KCNJ15: variants seen among roughly 807,000 people sequenced by gnomAD.
KCNJ15 encodes potassium inwardly rectifying channel subfamily J member 15.
A neutral mutation model predicts 23.0 loss-of-function variants in KCNJ15; 14 were observed. That is an observed-to-expected ratio of 0.61 (90% CI 0.40 to 0.95). The LOEUF is 0.95. Ranked by LOEUF, KCNJ15 falls within the 40% of genes least tolerant of loss-of-function variation. The pLI is 0.00. For missense variants in KCNJ15, 388 were observed against 461.8 expected, an observed-to-expected ratio of 0.84 and a Z score of 1.46; for synonymous variants, 185 against 183.2, an observed-to-expected ratio of 1.01 and a Z score of -0.08.
rs1700784847 is a variant in KCNJ15, at chr21:38,299,207, T to C, written c.-18-37T>C. Reference sequence around the variant, plus strand: ...TCTATTTTCTGGAAGTTCCACCACATATGGCGATAATGAAACATCTTTGTC... The same window carrying C: ...TCTATTTTCTGGAAGTTCCACCACACATGGCGATAATGAAACATCTTTGTC... On this transcript the variant is annotated intron_variant, in intron 2 of 2. Coordinates refer to ENST00000398938, the MANE Select transcript of KCNJ15 (RefSeq NM_170736.3). The surrounding 1 kb of genome is among the most constrained non-coding windows in gnomAD (Gnocchi z 4.5). The C allele has an allele frequency of 6.8e-7, 1 of 1,469,354 alleles. No homozygotes were observed. Among genetic ancestry groups the C allele is most frequent in the Admixed American group, 1.9e-5 (1 of 52,784 alleles). The allele number at this position is 1,469,354 out of a possible 1,614,324, so 91.0% of individuals were successfully genotyped here.
upstream of KCNJ15, among the ~76,000 whole-genome samples, chr21:38,255,668 G>A (rs944357781): frequency 6.6e-6 from 1 of 152,164 alleles, no homozygotes; most frequent in African/African-American, 2.4e-5. Flanking sequence ...GCAGGGAGAG[G>A]GGGGAGAAAA....
intron 1 of KCNJ15, among the ~76,000 whole-genome samples, chr21:38,276,358 G>C (rs1286796531): frequency 2.0e-5 from 3 of 152,014 alleles, no homozygotes; most frequent in African/African-American, 7.2e-5. Flanking sequence ...TTCCATTCTT[G>C]GGGTAGGGCT....
chr21:38,266,589 G>T (rs1446910339), intron 1 of KCNJ15, among the ~76,000 whole-genome samples: 3 of 152,176 alleles, frequency 2.0e-5, no homozygotes, highest in Non-Finnish European at 2.9e-5. Context: ...CCAAGTCGTT[G>T]CTATTGTGAA....
chr21:38,236,508 T>C (rs1381578394), intron 1 of KCNJ15, among the ~76,000 whole-genome samples: 1 of 152,198 alleles, frequency 6.6e-6, no homozygotes, highest in African/African-American at 2.4e-5. Flanking sequence ...TTCCTGACAC[T>C]TTCATTTTCT....
intron 1 of KCNJ15, among the ~76,000 whole-genome samples, chr21:38,291,078 CTG>C (rs1403882260): frequency 2.0e-5 from 3 of 151,842 alleles, no homozygotes; most frequent in African/African-American, 7.3e-5. Flanking sequence ...GTCTCAGAAA[CTG>C]TAATAAACAA....
At chr21:38,265,668 AGTGACATCAAG>A (rs1981382964) in intron 1 of KCNJ15, among the ~76,000 whole-genome samples, 1 of 152,238 alleles carries the variant, frequency 6.6e-6, no homozygotes, top group Non-Finnish European at 1.5e-5. Flanking sequence ...AGAAGATATA[AGTGACATCAAG>A]GACTCAAGGA....
chr21:38,285,251 T>C (rs1983768439), intron 1 of KCNJ15, among the ~76,000 whole-genome samples: 1 of 152,256 alleles, frequency 6.6e-6, no homozygotes, highest in African/African-American at 2.4e-5. Context: ...TCGTATTTTA[T>C]GTTTTATTTG....
intron 1 of KCNJ15, among the ~76,000 whole-genome samples, chr21:38,234,928 ACAGAC>A (rs1258978932): frequency 6.6e-6 from 1 of 152,240 alleles, no homozygotes; most frequent in Non-Finnish European, 1.5e-5. Flanking sequence ...CCATTCAGGT[ACAGAC>A]AATACCTGTC....
chr21:38,300,588 C>T lies in KCNJ15; in HGVS notation c.*199C>T, dbSNP rs918140124. On this transcript the variant is annotated 3_prime_UTR_variant, in exon 3 of 3. Coordinates refer to ENST00000398938, the MANE Select transcript of KCNJ15 (RefSeq NM_170736.3). ...TTGAGAGATTTCCTGTTAGGTGCTT[C>T]GTCTGAAAGTGAACTCTCATAATTC... 1.5e-5 allele frequency: 8 copies of T among 544,556 alleles called. No homozygotes were observed. Among genetic ancestry groups the T allele is most frequent in the African/African-American group, 9.6e-5 (5 of 52,134 alleles). The allele number at this position is 544,556 out of a possible 1,614,324, so 33.7% of individuals were successfully genotyped here. A position where few individuals can be genotyped will look rare whatever the true frequency, so the allele number is the denominator to read the frequency against.
intron 1 of KCNJ15, among the ~76,000 whole-genome samples, chr21:38,274,279 C>T (rs1445689958): frequency 6.6e-6 from 1 of 152,230 alleles, no homozygotes; most frequent in Non-Finnish European, 1.5e-5. Context: ...ACATGTGACT[C>T]AAAAGCTAGC....
At chr21:38,274,497 A>C (rs956654918) in intron 1 of KCNJ15, among the ~76,000 whole-genome samples, 2 of 152,202 alleles carry the variant, frequency 1.3e-5, no homozygotes, top group South Asian at 4.1e-4. Flanking sequence ...CTAGAATATA[A>C]GCCTCATGAG....
At chr21:38,297,611 C>A (rs758774852) in intron 2 of KCNJ15, among the ~76,000 whole-genome samples, 3 of 152,214 alleles carry the variant, frequency 2.0e-5, no homozygotes, top group Non-Finnish European at 4.4e-5. Context: ...CATTTCCAAA[C>A]CTTTATTGTG....
At chr21:38,292,760 G>A (rs954775989) in intron 1 of KCNJ15, among the ~76,000 whole-genome samples, 2 of 152,126 alleles carry the variant, frequency 1.3e-5, no homozygotes, top group African/African-American at 4.8e-5. Flanking sequence ...CCTGAGGTCA[G>A]GAGTTCCAGA....
chr21:38,289,214 A>G (rs1334086464), intron 1 of KCNJ15, among the ~76,000 whole-genome samples: 1 of 151,864 alleles, frequency 6.6e-6, no homozygotes, highest in African/African-American at 2.4e-5. Context: ...AAAAAAAAAA[A>G]AAAAGGTCAA....
chr21:38,262,540 G>A (rs1981024583), intron 1 of KCNJ15, among the ~76,000 whole-genome samples: 1 of 152,148 alleles, frequency 6.6e-6, no homozygotes. Flanking sequence ...CAATGGTACT[G>A]TATTTTGAAC....
intron 1 of KCNJ15, among the ~76,000 whole-genome samples, chr21:38,296,392 G>A (rs2146347645): frequency 6.6e-6 from 1 of 152,188 alleles, no homozygotes; most frequent in East Asian, 1.9e-4. Flanking sequence ...GGATGTTTAA[G>A]GGGATTTTGT....
chr21:38,236,879 T>C (rs892631553), intron 1 of KCNJ15, among the ~76,000 whole-genome samples: 1 of 152,232 alleles, frequency 6.6e-6, no homozygotes, highest in African/African-American at 2.4e-5. Flanking sequence ...TTTGGGATTA[T>C]CTTCAACTAT....
At chr21:38,238,312 T>C in intron 1 of KCNJ15, 1 of 714,452 alleles carries the variant, frequency 1.4e-6, no homozygotes, top group Non-Finnish European at 2.6e-6. Flanking sequence ...CGCAGTGGCC[T>C]GGTCTTCCTG....
intron 1 of KCNJ15, among the ~76,000 whole-genome samples, chr21:38,236,492 C>T (rs1417456675): frequency 2.0e-5 from 3 of 152,088 alleles, no homozygotes; most frequent in Non-Finnish European, 4.4e-5. Flanking sequence ...ATAAACATGC[C>T]GTTTCTTCCT....
Sources: gnomAD v4.1 joint callset for allele counts (sites outside exome capture counted in the v4.1 genomes callset) on GRCh38, gnomAD v4.1.1 for gene constraint, Gnocchi (gnomAD v3.1) non-coding constraint, MANE v1.5 for transcripts, NCBI Gene and HGNC (gene_info 2026-07-23, HGNC 2026-07-21) for gene names.